Variants in ASIC2 observed in about 807,000 individuals in gnomAD.
ASIC2 encodes the protein acid-sensing ion channel 2.
A neutral mutation model predicts 57.3 loss-of-function variants in ASIC2; 25 were observed. The observed-to-expected ratio is 0.44, with a 90% CI of 0.32 to 0.61. The LOEUF (loss-of-function observed/expected upper bound fraction) is 0.61. ASIC2 is among the 20% of genes least tolerant of loss of function. The probability of loss-of-function intolerance (pLI) is 0.06; values close to 1 mark genes in which losing one functional copy is unlikely to be tolerated. For synonymous variants in ASIC2, 319 were observed against 307.5 expected, an observed-to-expected ratio of 1.04 and a Z score of -0.39; for missense variants, 641 against 738.1, an observed-to-expected ratio of 0.87 and a Z score of 1.52.
At chr17:33,623,054 T>C (rs1411036311) in intron 1 of ASIC2, among the ~76,000 whole-genome samples, 1 of 152,164 alleles carries the variant, frequency 6.6e-6, no homozygotes, top group Non-Finnish European at 1.5e-5. Context: ...TATTATTCAT[T>C]GATCCCTTAC....
chr17:33,013,907 T>C lies in ASIC2; in HGVS notation c.*58A>G, dbSNP rs2141888178. ...TCCCACCTGAGCTTGCTGTTCCTTG[T>C]CCTGGGTCTTGGGCCTCAAGGTCTG... On this transcript the variant is annotated 3_prime_UTR_variant, in exon 10 of 10. Coordinates refer to ENST00000225823, the MANE Select transcript of ASIC2 (RefSeq NM_183377.2). 1 of 1,419,790 alleles carries C rather than the reference T, an allele frequency of 7.0e-7. No homozygotes were observed. Among genetic ancestry groups the C allele is most frequent in the Middle Eastern group, 1.7e-4 (1 of 5,716 alleles). The allele number at this position is 1,419,790 out of a possible 1,614,324, so 87.9% of individuals were successfully genotyped here.
chr17:33,802,883 A>G (rs925791107), intron 1 of ASIC2, among the ~76,000 whole-genome samples: 6 of 152,172 alleles, frequency 3.9e-5, no homozygotes, highest in Admixed American at 3.9e-4. Flanking sequence ...ATGACTCTCT[A>G]GCCCTTTGAA....
At chr17:33,291,293 G>T (rs890668443) in intron 1 of ASIC2, 115 bp downstream of exon 1, 10 of 1,437,854 alleles carry the variant, frequency 7.0e-6, no homozygotes, top group Non-Finnish European at 9.1e-6. Flanking sequence ...TGGCATCGTG[G>T]AGTGGTAACA....
At chr17:33,609,825 G>A (rs1172996219) in intron 1 of ASIC2, among the ~76,000 whole-genome samples, 1 of 152,054 alleles carries the variant, frequency 6.6e-6, no homozygotes, top group Non-Finnish European at 1.5e-5. Context: ...GGAGAGAAGA[G>A]TAGGAAAAGC....
At chr17:33,757,124 T>C (rs558932102) in intron 1 of ASIC2, among the ~76,000 whole-genome samples, 1 of 152,342 alleles carries the variant, frequency 6.6e-6, no homozygotes, top group East Asian at 1.9e-4. Flanking sequence ...GGGAGTTTCC[T>C]GATTCTTATC....
chr17:33,064,821 A>T, intron 3 of ASIC2, among the ~76,000 whole-genome samples: 1 of 151,850 alleles, frequency 6.6e-6, no homozygotes, highest in East Asian at 1.9e-4. Flanking sequence ...CCCAATTCAA[A>T]CTCAGTATGT....
intron 3 of ASIC2, among the ~76,000 whole-genome samples, chr17:33,057,611 C>T (rs1356622480): frequency 6.6e-6 from 1 of 152,236 alleles, no homozygotes; most frequent in African/African-American, 2.4e-5. Context: ...AGGAACTGCC[C>T]TTTCTGGAAC....
At chr17:33,313,179 A>G (rs1296959935) in intron 1 of ASIC2, among the ~76,000 whole-genome samples, 1 of 152,102 alleles carries the variant, frequency 6.6e-6, no homozygotes, top group Admixed American at 6.5e-5. Flanking sequence ...TTAAAAAATT[A>G]GCCAGGCATA....
chr17:33,887,056 G>A (rs1240142246), intron 1 of ASIC2, among the ~76,000 whole-genome samples: 2 of 152,156 alleles, frequency 1.3e-5, no homozygotes, highest in Non-Finnish European at 2.9e-5. Flanking sequence ...ACCTCATCAA[G>A]TTAATTTTGT....
intron 1 of ASIC2, among the ~76,000 whole-genome samples, chr17:33,145,125 CT>C (rs879934034): frequency 1.3e-5 from 2 of 152,218 alleles, no homozygotes; most frequent in African/African-American, 4.8e-5. Context: ...CTTCTATGTT[CT>C]TCTTTGATGG....
rs1905574800 is a variant in ASIC2 at position 33,293,125 on chromosome 17, TCTC to T, written c.-1013_-1011del. The T allele has an allele frequency of 1.2e-6, 1 of 826,984 alleles. No individual in the cohort carries two copies. Among genetic ancestry groups the T allele is most frequent in the African/African-American group, 1.9e-5 (1 of 53,822 alleles). 51.2% of individuals were successfully genotyped at this position (826,984 alleles called of 1,614,324 possible). A position where few individuals can be genotyped will look rare whatever the true frequency, so the allele number is the denominator to read the frequency against. On this transcript the variant is annotated 5_prime_UTR_variant, in exon 1 of 10. Transcript: ENST00000225823. ...CCGGACTCGCTGCTCCGCGCGCCCT[TCTC>T]CTCTCGAGACTCCGAGCTCGCGGTG...
At chr17:33,885,098 T>C (rs973186595) in intron 1 of ASIC2, among the ~76,000 whole-genome samples, 3 of 152,156 alleles carry the variant, frequency 2.0e-5, no homozygotes, top group Non-Finnish European at 2.9e-5. Context: ...ACAGTAGAGT[T>C]TCAGGCCTCT....
At chr17:33,145,331 C>T (rs1011392874) in intron 1 of ASIC2, among the ~76,000 whole-genome samples, 1 of 152,214 alleles carries the variant, frequency 6.6e-6, no homozygotes, top group East Asian at 1.9e-4. Flanking sequence ...CCAGCGTTGC[C>T]ATGCACCTCG....
At chr17:33,184,492 A>T (rs918321017) in intron 1 of ASIC2, among the ~76,000 whole-genome samples, 3 of 152,122 alleles carry the variant, frequency 2.0e-5, no homozygotes, top group African/African-American at 7.2e-5. Context: ...TCAGCTCCCA[A>T]ATGTACCAGA....
intron 7 of ASIC2, among the ~76,000 whole-genome samples, chr17:33,020,183 T>C (rs1224713107): frequency 1.3e-5 from 2 of 152,176 alleles, no homozygotes; most frequent in Admixed American, 1.3e-4. Flanking sequence ...AGCTGAGCCC[T>C]GGGTCCCTGG....
chr17:33,851,145 G>A (rs1948336), intron 1 of ASIC2, among the ~76,000 whole-genome samples: 7,329 of 152,290 alleles, frequency 0.048, 202 homozygotes, highest in Non-Finnish European at 0.058. Context: ...CCAGTTTAAA[G>A]ACTGTAGGTT....
intron 1 of ASIC2, among the ~76,000 whole-genome samples, chr17:33,401,577 CT>C (rs1910289150): frequency 1.3e-5 from 2 of 152,166 alleles, no homozygotes; most frequent in Non-Finnish European, 2.9e-5. Flanking sequence ...TCTCTTGCCC[CT>C]AATTGAGCTT....
chr17:33,425,300 AAC>A (rs1230571525), intron 1 of ASIC2, among the ~76,000 whole-genome samples: 1 of 152,220 alleles, frequency 6.6e-6, no homozygotes, highest in African/African-American at 2.4e-5. Context: ...AAAGAAAGGA[AAC>A]AGAAGAAGGA....
intron 1 of ASIC2, among the ~76,000 whole-genome samples, chr17:33,495,696 G>C (rs1264210945): frequency 2.0e-5 from 3 of 152,186 alleles, no homozygotes; most frequent in Admixed American, 6.5e-5. Context: ...CCCTCCTGAA[G>C]CTAACAGGGT....
Sources: gnomAD v4.1 joint callset for allele counts (sites outside exome capture counted in the v4.1 genomes callset) on GRCh38, gnomAD v4.1.1 for gene constraint, MANE v1.5 for transcripts, NCBI Gene and HGNC (gene_info 2026-07-23, HGNC 2026-07-21) for gene names.